The following KHDRBS3 variants were observed in gnomAD, a reference collection of about 807,000 sequenced individuals.
The protein encoded by KHDRBS3 is KH domain-containing, RNA-binding, signal transduction-associated protein 3.
Under a neutral mutation model 45.6 loss-of-function variants are expected in KHDRBS3, and 23 were observed. The observed-to-expected ratio is 0.50, with a 90% CI of 0.36 to 0.72. KHDRBS3 has a LOEUF of 0.72. Among genes scored for constraint, KHDRBS3 ranks in the 30% least tolerant of loss-of-function variants. The pLI is 0.00. For missense variants in KHDRBS3, 352 were observed against 424.8 expected (o/e 0.83, Z 1.51); for synonymous variants, 162 against 156.5 (o/e 1.04, Z -0.26).
intron 1 of KHDRBS3, among the ~76,000 whole-genome samples, chr8:135,490,840 C>T (rs758850527): frequency 6.6e-6 from 1 of 152,074 alleles, no homozygotes; most frequent in Non-Finnish European, 1.5e-5. Flanking sequence ...ATAAAGTGTT[C>T]CTGGCCAAAT....
At chr8:135,474,924 A>T (rs1822196599) in intron 1 of KHDRBS3, among the ~76,000 whole-genome samples, 1 of 152,116 alleles carries the variant, frequency 6.6e-6, no homozygotes, top group Non-Finnish European at 1.5e-5. Context: ...TCTGTGCCTG[A>T]GCTTTCCAGC....
At chr8:135,476,221 G>A (rs1393077645) in intron 1 of KHDRBS3, among the ~76,000 whole-genome samples, 3 of 151,972 alleles carry the variant, frequency 2.0e-5, no homozygotes, top group Non-Finnish European at 4.4e-5. Context: ...TTGGCTCACT[G>A]CAACCTCTGC....
intron 3 of KHDRBS3, 110 bp from the exon 4 acceptor site, chr8:135,548,644 C>G: frequency 1.2e-6 from 1 of 862,742 alleles, no homozygotes. Flanking sequence ...AACCGCTTGC[C>G]AGATGGATTG....
intron 2 of KHDRBS3, among the ~76,000 whole-genome samples, chr8:135,530,890 A>G (rs1237704050): frequency 1.3e-5 from 2 of 152,182 alleles, no homozygotes; most frequent in African/African-American, 4.8e-5. Context: ...TCCTTAATTT[A>G]GAACACTATC....
intron 1 of KHDRBS3, among the ~76,000 whole-genome samples, chr8:135,494,283 T>TTTA (rs1465064135): frequency 7.5e-6 from 1 of 134,154 alleles, no homozygotes; most frequent in African/African-American, 2.9e-5. Context: ...ATTTTTTTTT[T>TTTA]TTTTTTTTTT....
At chr8:135,626,761 G>A (rs1586826098) in intron 7 of KHDRBS3, among the ~76,000 whole-genome samples, 1 of 123,484 alleles carries the variant, frequency 8.1e-6, no homozygotes, top group African/African-American at 3.1e-5. Flanking sequence ...CCGAGATTGC[G>A]CCACCGCACT....
chr8:135,563,938 A>G (rs887048685), intron 5 of KHDRBS3, among the ~76,000 whole-genome samples: 1 of 152,204 alleles, frequency 6.6e-6, no homozygotes, highest in Non-Finnish European at 1.5e-5. Context: ...TGAACAAAAG[A>G]GATTATGCCC....
At chr8:135,519,563 T>A (rs1157564997) in intron 1 of KHDRBS3, among the ~76,000 whole-genome samples, 4 of 152,210 alleles carry the variant, frequency 2.6e-5, no homozygotes, top group Non-Finnish European at 5.9e-5. Flanking sequence ...TTGTCAGCAT[T>A]TGTAAGTCAC....
intron 1 of KHDRBS3, among the ~76,000 whole-genome samples, chr8:135,480,280 T>C (rs565426499): frequency 2.6e-5 from 4 of 151,900 alleles, no homozygotes; most frequent in Non-Finnish European, 5.9e-5. Flanking sequence ...TCTTGGAGAG[T>C]CTAGTCAGGG....
intron 1 of KHDRBS3, among the ~76,000 whole-genome samples, chr8:135,509,681 A>G (rs1824176223): frequency 6.6e-6 from 1 of 152,160 alleles, no homozygotes; most frequent in Admixed American, 6.5e-5. Context: ...GCATTGAATG[A>G]CTATGTCTTA....
At chr8:135,544,060 A>T (rs941094455) in intron 3 of KHDRBS3, among the ~76,000 whole-genome samples, 1 of 152,190 alleles carries the variant, frequency 6.6e-6, no homozygotes, top group African/African-American at 2.4e-5. Flanking sequence ...ATGAAAACAT[A>T]TATTTGGCCA....
At chr8:135,644,544 T>TG (rs1192872119) in intron 7 of KHDRBS3, among the ~76,000 whole-genome samples, 6 of 152,244 alleles carry the variant, frequency 3.9e-5, no homozygotes, top group African/African-American at 1.4e-4. Context: ...CCACAATTCA[T>TG]GCAGCACCGG....
chr8:135,536,760 A>G (rs1397808397), intron 2 of KHDRBS3, among the ~76,000 whole-genome samples: 2 of 150,974 alleles, frequency 1.3e-5, no homozygotes, highest in African/African-American at 2.4e-5. Flanking sequence ...GGAGATCGAG[A>G]CCATCCTGGC....
At chr8:135,652,711 C>T (rs1299141884) in intron 4 of KHDRBS3, among the ~76,000 whole-genome samples, 1 of 152,214 alleles carries the variant, frequency 6.6e-6, no homozygotes, top group East Asian at 1.9e-4. Flanking sequence ...TGGAGGCCCT[C>T]CCTAGCCTGC....
At chr8:135,650,067 CT>C (rs1831397355), downstream of KHDRBS3, among the ~76,000 whole-genome samples, 1 of 152,236 alleles carries the variant, frequency 6.6e-6, no homozygotes, top group African/African-American at 2.4e-5. Context: ...TCGCTTCCCC[CT>C]AACCTTTGTT....
At chr8:135,627,006 G>C (rs1830402567) in intron 7 of KHDRBS3, among the ~76,000 whole-genome samples, 1 of 152,028 alleles carries the variant, frequency 6.6e-6, no homozygotes, top group South Asian at 2.1e-4. Flanking sequence ...GTTAAAATAA[G>C]AAAATAAGGT....
chr8:135,472,175 A>G (rs1822050502), intron 1 of KHDRBS3, among the ~76,000 whole-genome samples: 2 of 152,222 alleles, frequency 1.3e-5, no homozygotes, highest in South Asian at 4.1e-4. Flanking sequence ...TTTTTCAGAT[A>G]GGTGTACCAA....
At chr8:135,509,509 T>A (rs1824169886) in intron 1 of KHDRBS3, among the ~76,000 whole-genome samples, 1 of 152,332 alleles carries the variant, frequency 6.6e-6, no homozygotes, top group East Asian at 1.9e-4. Context: ...CATCTTCAAT[T>A]TCTACTCTTT....
At chr8:135,512,280 TTAAA>T (rs1170358283) in intron 1 of KHDRBS3, among the ~76,000 whole-genome samples, 3 of 152,156 alleles carry the variant, frequency 2.0e-5, no homozygotes, top group South Asian at 4.1e-4. Context: ...TAAAAACAAT[TTAAA>T]TACTCCAGCT....
Sources: allele counts gnomAD v4.1 joint callset (sites outside exome capture counted in the v4.1 genomes callset), GRCh38; gene constraint gnomAD v4.1.1; transcripts MANE v1.5; gene names NCBI Gene and HGNC (gene_info 2026-07-23, HGNC 2026-07-21).